The following WDR7 variants were observed in gnomAD, a reference collection of about 807,000 sequenced individuals.
WDR7 encodes WD repeat-containing protein 7.
A neutral mutation model predicts 169.4 loss-of-function variants in WDR7; 46 were observed. That is an observed-to-expected ratio of 0.27 (90% CI 0.21 to 0.35). WDR7 has a LOEUF of 0.35. Among genes scored for constraint, WDR7 ranks in the 10% least tolerant of loss-of-function variants. WDR7 has a pLI of 1.00. For missense variants in WDR7, 1,534 were observed against 1,859.3 expected, an observed-to-expected ratio of 0.83 and a Z score of 3.22; for synonymous variants, 612 against 666.8, an observed-to-expected ratio of 0.92 and a Z score of 1.27.
intron 20 of WDR7, among the ~76,000 whole-genome samples, chr18:56,822,872 GT>G (rs1434081773): frequency 6.6e-6 from 1 of 152,016 alleles, no homozygotes; most frequent in Non-Finnish European, 1.5e-5. Flanking sequence ...AAATTTCATA[GT>G]TTTCTGAGTG....
chr18:56,699,018 A>T, intron 12 of WDR7, among the ~76,000 whole-genome samples: 1 of 152,212 alleles, frequency 6.6e-6, no homozygotes, highest in East Asian at 1.9e-4. Flanking sequence ...GTACCCCTGA[A>T]CTTAAAATGA....
intron 20 of WDR7, among the ~76,000 whole-genome samples, chr18:56,829,053 T>TA (rs1173177237): frequency 6.7e-6 from 1 of 148,184 alleles, no homozygotes; most frequent in Non-Finnish European, 1.5e-5. Flanking sequence ...GTGGCTCACA[T>TA]ACGAGGATAG....
Position 56,837,133 on chromosome 18 carries a change from G to A in WDR7, c.3304+20989G>A, listed in dbSNP as rs115562002. Among the ~76,000 whole-genome samples, 1,074 of 152,302 alleles carry A rather than the reference G, an allele frequency of 7.1e-3. 16 individuals carry two copies. The highest frequency in any genetic ancestry group is 0.024 in the African/African-American group (1,011 of 41,564). ...ACTCACATTTTAACCATTTGCATTT[G>A]AAAAACAAACGTGACCATTGCTGTC... On this transcript the variant is annotated intron_variant, in intron 20 of 27. Coordinates refer to ENST00000254442, the MANE Select transcript of WDR7 (RefSeq NM_015285.3).
chr18:56,682,700 A>C lies in WDR7; in HGVS notation c.367A>C (p.Asn123His), dbSNP rs1330154444. ...GTAGTTCTACCAGTTCTCTGTTGGGAATCAGCGAGAAGGAAGGCTTTTATG... is the reference window on the plus strand; with the variant it reads ...GTAGTTCTACCAGTTCTCTGTTGGGCATCAGCGAGAAGGAAGGCTTTTATG... ...GIQFYQFSVG[N>H]QREGRLLCHG... Residue 123 changes from asparagine (N) to histidine (H), a missense_variant, in exon 5 of 28, where the codon AAT (asparagine) becomes CAT (histidine). Coordinates refer to ENST00000254442, the MANE Select transcript of WDR7 (RefSeq NM_015285.3). The C allele has an allele frequency of 1.2e-6, 2 of 1,613,526 alleles. No individual in the cohort carries two copies. Among genetic ancestry groups the C allele is most frequent in the Non-Finnish European group, 1.7e-6 (2 of 1,179,702 alleles).
chr18:56,839,844 C>T (rs956305129), intron 20 of WDR7, among the ~76,000 whole-genome samples: 3 of 152,130 alleles, frequency 2.0e-5, no homozygotes, highest in African/African-American at 4.8e-5. Flanking sequence ...AGTCAGGTCA[C>T]GCCGTCAGGT....
At chr18:56,955,253 T>G (rs1381119138) in intron 25 of WDR7, among the ~76,000 whole-genome samples, 5 of 152,294 alleles carry the variant, frequency 3.3e-5, no homozygotes, top group East Asian at 1.9e-4. Context: ...CTAGTCCAGT[T>G]TGTCTATCCT....
intron 13 of WDR7, among the ~76,000 whole-genome samples, chr18:56,720,149 A>G (rs931795559): frequency 2.6e-5 from 4 of 152,184 alleles, no homozygotes; most frequent in African/African-American, 9.7e-5. Context: ...CTGTATTAAA[A>G]TACTATCAAT....
At chr18:56,981,089 C>A (rs1325859163) in intron 26 of WDR7, among the ~76,000 whole-genome samples, 1 of 152,048 alleles carries the variant, frequency 6.6e-6, no homozygotes. Flanking sequence ...ATGAGAGTAG[C>A]CTTGACCGTT....
At chr18:56,814,288 A>G (rs948855131) in intron 19 of WDR7, among the ~76,000 whole-genome samples, 1 of 143,586 alleles carries the variant, frequency 7.0e-6, no homozygotes, top group African/African-American at 2.8e-5. Flanking sequence ...TATCCAAACT[A>G]TTTAATATTT....
At chr18:56,769,190 A>G (rs191883008) in intron 16 of WDR7, among the ~76,000 whole-genome samples, 2 of 151,554 alleles carry the variant, frequency 1.3e-5, no homozygotes, top group Admixed American at 1.3e-4. Flanking sequence ...ATATAGCTGT[A>G]AGTCTGCTCA....
At chr18:56,925,418 C>A (rs1251506915) in intron 22 of WDR7, among the ~76,000 whole-genome samples, 1 of 152,040 alleles carries the variant, frequency 6.6e-6, no homozygotes, top group African/African-American at 2.4e-5. Flanking sequence ...TTTTTTCTTT[C>A]TTTCTCTCTT....
chr18:56,831,940 A>AT (rs201250144), intron 20 of WDR7, among the ~76,000 whole-genome samples: 34 of 151,646 alleles, frequency 2.2e-4, no homozygotes, highest in Admixed American at 7.9e-4. Flanking sequence ...TAGCTGCAGG[A>AT]TTTTTTTTTC....
At chr18:56,820,356 A>AC (rs1568213949) in intron 20 of WDR7, among the ~76,000 whole-genome samples, 1 of 146,814 alleles carries the variant, frequency 6.8e-6, no homozygotes, top group African/African-American at 2.5e-5. Flanking sequence ...AAAAAAAAAA[A>AC]AAAAAAAACC....
intron 21 of WDR7, among the ~76,000 whole-genome samples, chr18:56,917,773 T>C (rs2046649287): frequency 6.6e-6 from 1 of 152,162 alleles, no homozygotes; most frequent in African/African-American, 2.4e-5. Context: ...TCAGTCCTTT[T>C]CTCCTTTTTA....
chr18:57,002,854 C>T (rs1256806688), intron 26 of WDR7, among the ~76,000 whole-genome samples: 1 of 152,112 alleles, frequency 6.6e-6, no homozygotes, highest in East Asian at 1.9e-4. Context: ...GACTGGCAGC[C>T]AGCATGCCAT....
At chr18:56,750,439 C>T (rs934321511) in intron 14 of WDR7, among the ~76,000 whole-genome samples, 36 of 152,232 alleles carry the variant, frequency 2.4e-4, no homozygotes, top group African/African-American at 8.4e-4. Flanking sequence ...ATTTAACTTT[C>T]CTAGTTGGCT....
At chr18:56,959,926 C>T in intron 25 of WDR7, among the ~76,000 whole-genome samples, 1 of 152,270 alleles carries the variant, frequency 6.6e-6, no homozygotes, top group South Asian at 2.1e-4. Flanking sequence ...GAAGCCTCAG[C>T]AGGGATTGGT....
intron 19 of WDR7, among the ~76,000 whole-genome samples, chr18:56,805,422 G>C (rs1393501350): frequency 6.6e-6 from 1 of 152,154 alleles, no homozygotes; most frequent in Non-Finnish European, 1.5e-5. Context: ...TTAGACTCTA[G>C]AGATTTTCGT....
intron 4 of WDR7, 33 bp from the exon 5 acceptor site, chr18:56,682,646 C>A: frequency 6.3e-7 from 1 of 1,597,788 alleles, no homozygotes; most frequent in Non-Finnish European, 8.5e-7. Context: ...GGAGAACACT[C>A]AGAAATCTTT....
Sources: allele counts gnomAD v4.1 joint callset (sites outside exome capture counted in the v4.1 genomes callset), GRCh38; gene constraint gnomAD v4.1.1; transcripts MANE v1.5; gene names NCBI Gene and HGNC (gene_info 2026-07-23, HGNC 2026-07-21).